LOC400499: variants seen among roughly 807,000 people sequenced by gnomAD.
the LOC400499 span, chr16:11,440,871 C>T: frequency 2.5e-6 from 1 of 399,002 alleles, no homozygotes; most frequent in Non-Finnish European, 4.4e-6. Flanking sequence ...ACACCCTTTA[C>T]TTCCGCTAAC....
At chr16:11,486,128 T>C in the LOC400499 span, among the ~76,000 whole-genome samples, 1 of 137,440 alleles carries the variant, frequency 7.3e-6, no homozygotes, top group African/African-American at 2.8e-5. Context: ...GGTAGACAGA[T>C]GATGGGTGGG....
chr16:11,518,986 C>T, the LOC400499 span: 1 of 398,982 alleles, frequency 2.5e-6, no homozygotes, highest in Non-Finnish European at 4.4e-6. Context: ...GCACAAAGCA[C>T]CGTGAGTTGG....
the LOC400499 span, chr16:11,500,994 C>G: frequency 7.5e-6 from 3 of 398,906 alleles, no homozygotes; most frequent in South Asian, 1.3e-4. Flanking sequence ...GCGACCCACA[C>G]GTGCTGAGCG....
chr16:11,502,080 T>C, the LOC400499 span: 3 of 398,856 alleles, frequency 7.5e-6, no homozygotes, highest in African/African-American at 6.2e-5. Flanking sequence ...ACCTTACCCA[T>C]TGTCTCGGCA....
At chr16:11,406,145 A>T in the LOC400499 span, among the ~76,000 whole-genome samples, 1 of 152,174 alleles carries the variant, frequency 6.6e-6, no homozygotes, top group African/African-American at 2.4e-5. Context: ...CCAGGCAGGT[A>T]ATTTTCCAAC....
At chr16:11,469,490 G>T in the LOC400499 span, 8 of 399,140 alleles carry the variant, frequency 2.0e-5, no homozygotes, top group African/African-American at 1.6e-4. Context: ...AGTGAGCAGG[G>T]AGGGACGTTG....
At chr16:11,460,721 C>T in the LOC400499 span, 7 of 1,402,020 alleles carry the variant, frequency 5.0e-6, no homozygotes, top group Non-Finnish European at 6.6e-6. Context: ...ACCCCCCATG[C>T]TTTGCTCCAC....
the LOC400499 span, chr16:11,441,059 G>A: frequency 2.3e-5 from 9 of 398,888 alleles, no homozygotes; most frequent in East Asian, 3.6e-5. Flanking sequence ...AAGTGGCCTC[G>A]ACCTCTCTGT....
the LOC400499 span, among the ~76,000 whole-genome samples, chr16:11,501,737 C>A: frequency 6.6e-6 from 1 of 152,128 alleles, no homozygotes; most frequent in Non-Finnish European, 1.5e-5. Flanking sequence ...ACTCTCCACG[C>A]CCCCAGCAGG....
chr16:11,393,501 G>A, the LOC400499 span: 3 of 1,232,364 alleles, frequency 2.4e-6, no homozygotes. Flanking sequence ...CAGGCTTTGA[G>A]AAGTCGAGGT....
chr16:11,415,957 T>TG, the LOC400499 span, among the ~76,000 whole-genome samples: 1 of 64,612 alleles, frequency 1.5e-5, no homozygotes, highest in Non-Finnish European at 3.0e-5. Context: ...CTGTTGTTGT[T>TG]TTGTTTTTTT....
the LOC400499 span, among the ~76,000 whole-genome samples, chr16:11,496,888 ATGTGTGTGTGTG>A: frequency 0.069 from 9,956 of 143,702 alleles, 582 homozygotes; most frequent in African/African-American, 0.16. Context: ...GTATGCCTCA[ATGTGTGTGTGTG>A]TGTGTGTGTG....
the LOC400499 span, chr16:11,446,631 A>G: frequency 6.5e-7 from 1 of 1,536,092 alleles, no homozygotes; most frequent in Non-Finnish European, 8.7e-7. Flanking sequence ...TCAGACCTGC[A>G]CAGACCTGGG....
chr16:11,393,481 C>A, the LOC400499 span: 56 of 1,232,226 alleles, frequency 4.5e-5, no homozygotes, highest in Admixed American at 4.2e-5. Context: ...ACGCTTCCCT[C>A]CAACCGGACC....
chr16:11,417,790 C>T, the LOC400499 span: 1 of 398,940 alleles, frequency 2.5e-6, no homozygotes, highest in Non-Finnish European at 4.4e-6. Flanking sequence ...CATCAGGATG[C>T]GTCCAGAATG....
chr16:11,439,109 C>G, the LOC400499 span, among the ~76,000 whole-genome samples: 1 of 152,106 alleles, frequency 6.6e-6, no homozygotes, highest in African/African-American at 2.4e-5. Context: ...GACAGGGCTC[C>G]CACCTGGATG....
chr16:11,503,548 C>A, the LOC400499 span, among the ~76,000 whole-genome samples: 1 of 152,214 alleles, frequency 6.6e-6, no homozygotes, highest in Non-Finnish European at 1.5e-5. Context: ...CCCCACCCAC[C>A]CAGAGGTCCT....
chr16:11,464,236 C>T, the LOC400499 span, among the ~76,000 whole-genome samples: 2 of 152,242 alleles, frequency 1.3e-5, no homozygotes, highest in Non-Finnish European at 2.9e-5. Context: ...CCTTCTCCTT[C>T]CCTTTTTACA....
At chr16:11,488,116 CAAAA>C in the LOC400499 span, among the ~76,000 whole-genome samples, 159 of 138,962 alleles carry the variant, frequency 1.1e-3, no homozygotes, top group Middle Eastern at 3.8e-3. Context: ...TAGTCCATGT[CAAAA>C]AAAAAAAAAA....
Sources: gnomAD v4.1 joint callset for allele counts (sites outside exome capture counted in the v4.1 genomes callset) on GRCh38, gnomAD v4.1.1 for gene constraint, MANE v1.5 for transcripts.